The following QTMAN variants were observed in gnomAD, a reference collection of about 807,000 sequenced individuals.
QTMAN encodes tRNA-queuosine alpha-mannosyltransferase.
At chr2:144,019,441 T>TGTGC in the QTMAN span, among the ~76,000 whole-genome samples, 1 of 108,434 alleles carries the variant, frequency 9.2e-6, no homozygotes, top group Non-Finnish European at 1.7e-5. Flanking sequence ...TGCAGGTGTG[T>TGTGC]GTGTGTGTGT....
At chr2:144,174,359 C>A in the QTMAN span, among the ~76,000 whole-genome samples, 5 of 152,136 alleles carry the variant, frequency 3.3e-5, no homozygotes, top group Admixed American at 2.0e-4. Context: ...TAGCCTCCCC[C>A]CTCATTTGGT....
At chr2:143,997,515 AGGTGAGGTAT>A in the QTMAN span, among the ~76,000 whole-genome samples, 3 of 152,092 alleles carry the variant, frequency 2.0e-5, no homozygotes, top group Non-Finnish European at 2.9e-5. Flanking sequence ...TCCGCTCCTT[AGGTGAGGTAT>A]TAGCAAAGCT....
At chr2:144,333,040 C>G in the QTMAN span, among the ~76,000 whole-genome samples, 2 of 152,202 alleles carry the variant, frequency 1.3e-5, no homozygotes, top group African/African-American at 4.8e-5. Flanking sequence ...GCCGACACCT[C>G]TACCTGCTCT....
the QTMAN span, among the ~76,000 whole-genome samples, chr2:144,200,634 A>C: frequency 6.6e-6 from 1 of 152,250 alleles, no homozygotes; most frequent in African/African-American, 2.4e-5. Flanking sequence ...TTCTAGACTA[A>C]TGTTTCCTGA....
chr2:144,123,445 GTGTAAACTTGAGTA>G, the QTMAN span, among the ~76,000 whole-genome samples: 1 of 152,042 alleles, frequency 6.6e-6, no homozygotes, highest in African/African-American at 2.4e-5. Flanking sequence ...CAGACCACAG[GTGTAAACTTGAGTA>G]TCTATTCCTG....
chr2:143,949,867 T>C, the QTMAN span, among the ~76,000 whole-genome samples: 5 of 151,812 alleles, frequency 3.3e-5, no homozygotes, highest in Admixed American at 6.6e-5. Flanking sequence ...CTTTAAATCC[T>C]ATAACAACAC....
chr2:144,238,695 C>T, the QTMAN span, among the ~76,000 whole-genome samples: 6 of 152,224 alleles, frequency 3.9e-5, no homozygotes, highest in Admixed American at 1.3e-4. Context: ...CTGCTTTCTT[C>T]TCCTTCATCA....
chr2:144,215,195 T>C, the QTMAN span, among the ~76,000 whole-genome samples: 1 of 151,824 alleles, frequency 6.6e-6, no homozygotes, highest in South Asian at 2.1e-4. Flanking sequence ...TGAGCCATGA[T>C]TGTGCTACTG....
chr2:144,016,606 T>C, the QTMAN span, among the ~76,000 whole-genome samples: 1 of 152,224 alleles, frequency 6.6e-6, no homozygotes, highest in South Asian at 2.1e-4. Flanking sequence ...AAATGGTCTC[T>C]AATCATGTGT....
chr2:144,252,306 T>C, the QTMAN span, among the ~76,000 whole-genome samples: 2 of 152,032 alleles, frequency 1.3e-5, no homozygotes. Context: ...GCCCAGGAAT[T>C]TGAGGCTGCA....
At chr2:144,186,300 A>G in the QTMAN span, among the ~76,000 whole-genome samples, 2 of 152,208 alleles carry the variant, frequency 1.3e-5, no homozygotes, top group Non-Finnish European at 2.9e-5. Context: ...GCCCTGTTTT[A>G]TAAGAGAAAC....
At chr2:144,213,359 T>A in the QTMAN span, among the ~76,000 whole-genome samples, 1 of 152,218 alleles carries the variant, frequency 6.6e-6, no homozygotes, top group Non-Finnish European at 1.5e-5. Flanking sequence ...ATTAAAAATC[T>A]GCAATATGCC....
At chr2:143,980,188 C>A in the QTMAN span, among the ~76,000 whole-genome samples, 4 of 152,062 alleles carry the variant, frequency 2.6e-5, no homozygotes, top group African/African-American at 9.7e-5. Flanking sequence ...CCCTCCTCCC[C>A]CACCAACCCT....
the QTMAN span, among the ~76,000 whole-genome samples, chr2:144,050,419 G>A: frequency 6.6e-6 from 1 of 152,130 alleles, no homozygotes; most frequent in East Asian, 1.9e-4. Flanking sequence ...TAGGTAATGA[G>A]TTTCCAACTA....
At chr2:143,969,925 T>C in the QTMAN span, among the ~76,000 whole-genome samples, 1 of 152,206 alleles carries the variant, frequency 6.6e-6, no homozygotes, top group African/African-American at 2.4e-5. Context: ...TAATGCACAA[T>C]GGCAAAGGTT....
the QTMAN span, among the ~76,000 whole-genome samples, chr2:144,253,861 G>T: frequency 6.6e-6 from 1 of 152,238 alleles, no homozygotes; most frequent in East Asian, 1.9e-4. Context: ...AGGGGAAAAT[G>T]TCTCCAGGGC....
chr2:144,115,119 T>G, the QTMAN span, among the ~76,000 whole-genome samples: 1 of 151,974 alleles, frequency 6.6e-6, no homozygotes, highest in Non-Finnish European at 1.5e-5. Flanking sequence ...TACTCCCAGC[T>G]ACTCTGGAGG....
chr2:144,148,383 T>C, the QTMAN span, among the ~76,000 whole-genome samples: 1 of 151,872 alleles, frequency 6.6e-6, no homozygotes, highest in Non-Finnish European at 1.5e-5. Context: ...TAGTAATTCA[T>C]AGCTTCAGGG....
At chr2:144,137,428 T>A in the QTMAN span, among the ~76,000 whole-genome samples, 2 of 152,044 alleles carry the variant, frequency 1.3e-5, no homozygotes, top group African/African-American at 4.8e-5. Flanking sequence ...TTTATCTCTC[T>A]CCTCCCCTGT....
Sources: gnomAD v4.1 joint callset for allele counts (sites outside exome capture counted in the v4.1 genomes callset) on GRCh38, gnomAD v4.1.1 for gene constraint, MANE v1.5 for transcripts, NCBI Gene and HGNC (gene_info 2026-07-23, HGNC 2026-07-21) for gene names.